The following RNF123 variants were observed in gnomAD, a reference collection of about 807,000 sequenced individuals.
The protein encoded by RNF123 is E3 ubiquitin-protein ligase RNF123.
Under a neutral mutation model 168.5 loss-of-function variants are expected in RNF123, and 86 were observed. The observed-to-expected ratio is 0.51, with a 90% CI of 0.43 to 0.61. The LOEUF (loss-of-function observed/expected upper bound fraction) is 0.61. Among genes scored for constraint, RNF123 ranks in the 20% least tolerant of loss-of-function variants. The pLI is 0.00. For synonymous variants in RNF123, 666 were observed against 689.1 expected (o/e 0.97, Z 0.52); for missense variants, 1,419 against 1,729.7 (o/e 0.82, Z 3.19).
At chr3:49,701,402 C>T (rs2054380872) in intron 15 of RNF123, 89 bp from the exon 16 acceptor site, 1 of 980,256 alleles carries the variant, frequency 1.0e-6, no homozygotes. Context: ...CTGTGGTAGG[C>T]ACATCCAGGG....
intron 35 of RNF123, 186 bp from the exon 36 acceptor site, chr3:49,720,325 A>G: frequency 6.1e-6 from 3 of 494,618 alleles, no homozygotes; most frequent in East Asian, 6.8e-5. Context: ...AAGAAAAAAA[A>G]AAAAAAAACA....
chr3:49,717,765 G>C, intron 35 of RNF123: 1 of 674,682 alleles, frequency 1.5e-6, no homozygotes, highest in Non-Finnish European at 2.5e-6. Context: ...CAGAAGGCAG[G>C]TTGGGGACCA....
In RNF123 at chr3:49,694,339, A is replaced by G. The variant is rs1006724812; in HGVS notation, c.168-2804A>G. On this transcript the variant is annotated intron_variant, in intron 3 of 38. Coordinates refer to ENST00000327697, the MANE Select transcript of RNF123 (RefSeq NM_022064.5). ...ACATGTCCCTCACTTCCAAAAGTCT[A>G]TAGAAGTTTGCATCCTATTTTTATC... 3.3e-5 allele frequency among the ~76,000 whole-genome samples: 5 copies of G among 152,366 alleles called. 1 individual carries two copies. Among genetic ancestry groups the G allele is most frequent in the African/African-American group, 4.8e-5 (2 of 41,584 alleles).
At chr3:49,698,910 T>G in intron 9 of RNF123, 70 bp from the exon 10 acceptor site, 1 of 1,606,914 alleles carries the variant, frequency 6.2e-7, no homozygotes, top group Non-Finnish European at 8.5e-7. Context: ...GGGGCCAGAC[T>G]GAGTTTGATA....
intron 26 of RNF123, among the ~76,000 whole-genome samples, chr3:49,710,479 CTT>C (rs1464404159): frequency 1.1e-4 from 16 of 151,280 alleles, no homozygotes; most frequent in Non-Finnish European, 1.5e-4. Flanking sequence ...GGGGTTTCAC[CTT>C]GTTGGTCAGG....
chr3:49,700,271 G>C lies in RNF123; in HGVS notation c.1029G>C (p.Leu343=), dbSNP rs1208559765. ...AGGCTGTGCTCATGAGCTTCTTGCTGGGCATCGTGGAGAAGGGCACACCCA... is the reference window on the plus strand; with the variant it reads ...AGGCTGTGCTCATGAGCTTCTTGCTCGGCATCGTGGAGAAGGGCACACCCA... ...LVEAVLMSFL[L]GIVEKGTPTQ... is the part of the protein sequence containing the mutation. The change falls in exon 13 of 39, where the codon CTG becomes CTC. Residue 343 remains leucine, a synonymous_variant. Coordinates refer to ENST00000327697, the MANE Select transcript of RNF123 (RefSeq NM_022064.5). 1.2e-6 allele frequency: 2 copies of C among 1,614,100 alleles called. No homozygotes were observed. The highest frequency in any genetic ancestry group is 2.7e-5 in the African/African-American group (2 of 74,942).
At chr3:49,714,267 C>A in intron 31 of RNF123, 93 bp downstream of exon 31, 1 of 1,161,294 alleles carries the variant, frequency 8.6e-7, no homozygotes, top group Non-Finnish European at 1.3e-6. Flanking sequence ...CTTCTTCCAG[C>A]CCCTCTCTGG....
At chr3:49,718,974 C>T in intron 35 of RNF123, 1 of 1,613,808 alleles carries the variant, frequency 6.2e-7, no homozygotes, top group East Asian at 2.2e-5. Flanking sequence ...CGTTGCAGCC[C>T]AGGTAGAGAT....
chr3:49,699,816 A>C lies in RNF123; in HGVS notation c.984+44A>C, dbSNP rs188842898. On this transcript the variant is annotated intron_variant, in intron 12 of 38. Coordinates refer to ENST00000327697, the MANE Select transcript of RNF123 (RefSeq NM_022064.5). The surrounding 1 kb of genome is among the most constrained non-coding windows in gnomAD (Gnocchi z 4.8). ...GGCATGGGAGGGGAGGAGACAGGCC[A>C]TGCTAGACACGCCCGTGGTAGATGT... 6.4e-7 allele frequency: 1 copy of C among 1,573,278 alleles called. No individual in the cohort carries two copies. The highest frequency in any genetic ancestry group is 8.7e-7 in the Non-Finnish European group (1 of 1,145,598).
At chr3:49,720,317 G>GAAA (rs370438853) in intron 35 of RNF123, 194 bp from the exon 36 acceptor site, 734 of 343,942 alleles carry the variant, frequency 2.1e-3, no homozygotes, top group South Asian at 3.5e-3. Context: ...CTCGTCTCAA[G>GAAA]AAAAAAAAAA....
At position 49,705,407 on chromosome 3, in the gene RNF123, C is replaced by T. The variant is rs2054495426; in HGVS notation, c.2159-127C>T. ...CACTCCACCCCTACCCCCATGCCCC[C>T]ATGGGCTCCCCGCGGGTCCCTCCTT... On this transcript the variant is annotated intron_variant, in intron 23 of 38. Transcript: ENST00000327697. 7.2e-6 allele frequency: 10 copies of T among 1,390,440 alleles called. No homozygotes were observed. In the East Asian group the frequency reaches 2.2e-4, roughly 30 times the overall value. The allele number at this position is 1,390,440 out of a possible 1,614,324, so 86.1% of individuals were successfully genotyped here.
rs967446170 is a variant in RNF123, at chr3:49,717,820, G to A, written c.3500+1343G>A. The A allele has an allele frequency of 9.1e-6, 9 of 988,644 alleles. No homozygotes were observed. In the South Asian group the frequency reaches 1.2e-4, roughly 13 times the overall value. 61.2% of individuals were successfully genotyped at this position (988,644 alleles called of 1,614,324 possible). A position where few individuals can be genotyped will look rare whatever the true frequency, so the allele number is the denominator to read the frequency against. On this transcript the variant is annotated intron_variant, in intron 35 of 38. Transcript: ENST00000327697. Reference sequence around the variant, plus strand: ...TGAGCGAGAAGGCCCATTGTGTTTCGAGGCCCATACAGGAAGCTGGGGGGC... The same window carrying A: ...TGAGCGAGAAGGCCCATTGTGTTTCAAGGCCCATACAGGAAGCTGGGGGGC...
Position 49,713,743 on chromosome 3 carries a change from C to T in RNF123, c.2755C>T (p.Arg919Ter). ...ADARIVGTDI[R>*]DSLMQALASY... ...GGCACGGTGTGTCCCCGCAGACATC[C>T]GAGACTCACTGATGCAGGCCCTGGC... The change falls in exon 29 of 39, where the codon CGA becomes TGA. Residue 919 changes from arginine (R) to a stop codon, truncating the protein, a stop_gained. Coordinates refer to ENST00000327697, the MANE Select transcript of RNF123 (RefSeq NM_022064.5). LOFTEE classifies it high-confidence loss of function. 2.5e-6 allele frequency: 4 copies of T among 1,601,032 alleles called. No homozygotes were observed. The highest frequency in any genetic ancestry group is 2.3e-5 in the East Asian group (1 of 44,086).
At chr3:49,718,341 G>T in intron 35 of RNF123, 2 of 1,613,390 alleles carry the variant, frequency 1.2e-6, no homozygotes, top group African/African-American at 1.3e-5. Flanking sequence ...CGGGCTCTGG[G>T]CGCGGAAAGT....
At position 49,716,576 on chromosome 3, in the gene RNF123, A is replaced by T. The variant is rs1575540928; in HGVS notation, c.3500+99A>T. 25 of 1,034,292 alleles carry T rather than the reference A, an allele frequency of 2.4e-5. No homozygotes were observed. The East Asian group carries it at 6.0e-4, about 25-fold the overall frequency. The allele number at this position is 1,034,292 out of a possible 1,614,324, so 64.1% of individuals were successfully genotyped here. On this transcript the variant is annotated intron_variant, in intron 35 of 38. Transcript: ENST00000327697. ...GGTACTTCAGTTTCCTCATCTGGAA[A>T]ATGGACCTCAGCATCAGGTTTTGAG...
At chr3:49,712,088 G>A (rs771180757) in intron 26 of RNF123, among the ~76,000 whole-genome samples, 2 of 152,048 alleles carry the variant, frequency 1.3e-5, no homozygotes, top group Non-Finnish European at 2.9e-5. Context: ...AGCCGAGCGC[G>A]GTATCACATA....
At position 49,718,103 on chromosome 3, in the gene RNF123, C is replaced by G. The variant is rs532935522; in HGVS notation, c.3500+1626C>G. The G allele has an allele frequency of 3.7e-6, 6 of 1,613,624 alleles. No individual in the cohort carries two copies. In the African/African-American group the frequency reaches 8.0e-5, roughly 21 times the overall value. ...CCCCTCCGGCCTGGCTCCAGAAAGA[C>G]TACGTGCTTGTGGACGCTGGCCTTG... On this transcript the variant is annotated intron_variant, in intron 35 of 38. Coordinates refer to ENST00000327697, the MANE Select transcript of RNF123 (RefSeq NM_022064.5).
In RNF123 at chr3:49,699,917, A is replaced by C; in HGVS notation, c.984+145A>C. The C allele has an allele frequency of 1.3e-6, 1 of 798,664 alleles. No individual in the cohort carries two copies. Among genetic ancestry groups the C allele is most frequent in the Non-Finnish European group, 2.0e-6 (1 of 493,570 alleles). The allele number at this position is 798,664 out of a possible 1,614,324, so 49.5% of individuals were successfully genotyped here. On this transcript the variant is annotated intron_variant, in intron 12 of 38. Coordinates refer to ENST00000327697, the MANE Select transcript of RNF123 (RefSeq NM_022064.5). This position sits in a 1 kb window ranked among gnomAD's most constrained non-coding sequence, Gnocchi z 4.8. ...GGCCCCATGTGACCAGGGCCCTCAG[A>C]CCTCAGTCAGTCCCCTAGGGAAACA...
intron 6 of RNF123, 38 bp downstream of exon 6, chr3:49,697,977 G>A (rs1323770327): frequency 6.2e-7 from 1 of 1,613,796 alleles, no homozygotes; most frequent in East Asian, 2.2e-5. Context: ...GTAGTGAGGA[G>A]AAAGTTTAAG....
Sources: gnomAD v4.1 joint callset for allele counts (sites outside exome capture counted in the v4.1 genomes callset) on GRCh38, gnomAD v4.1.1 for gene constraint, Gnocchi (gnomAD v3.1) non-coding constraint, MANE v1.5 for transcripts, NCBI Gene and HGNC (gene_info 2026-07-23, HGNC 2026-07-21) for gene names.